PHF14: variants seen among roughly 807,000 people sequenced by gnomAD.
The protein encoded by PHF14 is PHD finger protein 14.
In PHF14, 55 loss-of-function variants were observed where a neutral mutation model predicts 117.9. That is an observed-to-expected ratio of 0.47 (90% CI 0.38 to 0.58). The LOEUF (loss-of-function observed/expected upper bound fraction) is 0.58. Ranked by LOEUF, PHF14 falls within the 20% of genes least tolerant of loss-of-function variation. PHF14 has a pLI of 0.00. For missense variants in PHF14, 978 were observed against 1,122.2 expected (o/e 0.87, Z 1.84); for synonymous variants, 409 against 368.6 (o/e 1.11, Z -1.26).
chr7:11,156,458 A>T (rs1331013315), intron 17 of PHF14, among the ~76,000 whole-genome samples: 2 of 152,178 alleles, frequency 1.3e-5, no homozygotes, highest in African/African-American at 4.8e-5. Context: ...AAATAAGGAT[A>T]TTTGAGCAAC....
intron 4 of PHF14, among the ~76,000 whole-genome samples, chr7:11,004,520 A>G (rs894149407): frequency 7.9e-5 from 12 of 151,976 alleles, no homozygotes; most frequent in Non-Finnish European, 1.6e-4. Flanking sequence ...CACTTGTGTT[A>G]TATCTCTTTA....
At position 11,104,234 on chromosome 7, in the gene PHF14, G is replaced by T; in HGVS notation, c.2655-7116G>T. 3 of 984,146 alleles carry T rather than the reference G, an allele frequency of 3.0e-6. No homozygotes were observed. The South Asian group carries it at 1.4e-4, about 46-fold the overall frequency. The allele number at this position is 984,146 out of a possible 1,614,324, so 61.0% of individuals were successfully genotyped here. A position where few individuals can be genotyped will look rare whatever the true frequency, so the allele number is the denominator to read the frequency against. ...CATTTTCCATCTTGCATTTTCAGTG[G>T]TGGTGGATATTCTATTCCACATTTG... On this transcript the variant is annotated intron_variant, in intron 16 of 17. Transcript: ENST00000634607.
intron 4 of PHF14, among the ~76,000 whole-genome samples, chr7:11,007,148 G>A (rs146515942): frequency 0.029 from 4,396 of 151,898 alleles, 217 homozygotes; most frequent in African/African-American, 0.1. Flanking sequence ...AGCCGAGATC[G>A]CGCCATTGCA....
At position 11,135,469 on chromosome 7, in the gene PHF14, T is replaced by C. The variant is rs368400972; in HGVS notation, c.2772+24002T>C. 1.0e-3 allele frequency among the ~76,000 whole-genome samples: 155 copies of C among 152,296 alleles called. 7 individuals carry two copies. The South Asian group carries it at 0.031, about 31-fold the overall frequency. On this transcript the variant is annotated intron_variant, in intron 17 of 17. Transcript: ENST00000634607. The stretch of plus-strand genomic sequence containing the variant: ...GCACATCTATTGTGTTTTTCATTTC[T>C]TTATTTGAAGACCATTTAAAATTAT...
At position 11,040,652 on chromosome 7, in the gene PHF14, A is replaced by C. The variant is rs141768445; in HGVS notation, c.2077-20A>C. 507 of 1,318,330 alleles carry C rather than the reference A, an allele frequency of 3.8e-4. 4 individuals carry two copies. In the African/African-American group the frequency reaches 6.9e-3, roughly 18 times the overall value. 81.7% of individuals were successfully genotyped at this position (1,318,330 alleles called of 1,614,324 possible). On this transcript the variant is annotated intron_variant, in intron 11 of 17. Transcript: ENST00000634607. ...TTTCTTTCTTAAAACAATATATACTACATTTGTTCAAATCAATAGAAGTTG... is the reference window on the plus strand; with the variant it reads ...TTTCTTTCTTAAAACAATATATACTCCATTTGTTCAAATCAATAGAAGTTG...
At chr7:11,099,091 AGCTG>A in intron 16 of PHF14, among the ~76,000 whole-genome samples, 1 of 152,276 alleles carries the variant, frequency 6.6e-6, no homozygotes, top group African/African-American at 2.4e-5. Flanking sequence ...AGTGTAGCCC[AGCTG>A]CCACTGAATT....
intron 17 of PHF14, among the ~76,000 whole-genome samples, chr7:11,162,517 A>G (rs865951836): frequency 6.6e-6 from 1 of 152,076 alleles, no homozygotes; most frequent in South Asian, 2.1e-4. Flanking sequence ...CTTATCATCC[A>G]TCATTCATTT....
At chr7:10,988,697 G>T (rs1640710) in intron 3 of PHF14, among the ~76,000 whole-genome samples, 52,562 of 151,786 alleles carry the variant, frequency 0.35, 10,171 homozygotes, top group Middle Eastern at 0.46. Flanking sequence ...ATCAGTTCAT[G>T]TTCCTCTTTT....
intron 17 of PHF14, among the ~76,000 whole-genome samples, chr7:11,132,761 A>G (rs1788123646): frequency 6.6e-6 from 1 of 151,738 alleles, no homozygotes; most frequent in South Asian, 2.1e-4. Context: ...CCTCACCAAC[A>G]TTTGTTATCT....
chr7:11,000,738 T>C (rs1053613148), intron 4 of PHF14, among the ~76,000 whole-genome samples: 5 of 152,188 alleles, frequency 3.3e-5, no homozygotes, highest in African/African-American at 7.2e-5. Context: ...GTTTTAAGAG[T>C]TCCTTGTATA....
At chr7:11,049,877 T>C (rs574668333) in intron 13 of PHF14, among the ~76,000 whole-genome samples, 1 of 152,300 alleles carries the variant, frequency 6.6e-6, no homozygotes, top group African/African-American at 2.4e-5. Flanking sequence ...ACCTAGGGGA[T>C]AACCTGCCAG....
rs374213180 is a variant in PHF14 at position 10,994,622 on chromosome 7, G to C, written c.1045+3775G>C. 1.8e-4 allele frequency among the ~76,000 whole-genome samples: 28 copies of C among 152,236 alleles called. No individual in the cohort carries two copies. In the East Asian group the frequency reaches 1.9e-3, roughly 11 times the overall value. On this transcript the variant is annotated intron_variant, in intron 4 of 17. Coordinates refer to ENST00000634607, the MANE Select transcript of PHF14 (RefSeq NM_001007157.2). ...TTTTATTATTGTGTCCGGAATTGGT[G>C]GGTTCTTGGTTTCACTAACTTCAAG...
chr7:10,984,315 G>A (rs1201568187), intron 3 of PHF14, among the ~76,000 whole-genome samples: 1 of 152,094 alleles, frequency 6.6e-6, no homozygotes, highest in Non-Finnish European at 1.5e-5. Context: ...TTTATATTTG[G>A]ATTATAAACA....
At chr7:11,120,105 G>A (rs1012328568) in intron 17 of PHF14, among the ~76,000 whole-genome samples, 12 of 151,848 alleles carry the variant, frequency 7.9e-5, no homozygotes, top group African/African-American at 2.4e-4. Context: ...TGGATGCGTC[G>A]TATAGTAGGA....
chr7:11,169,525 C>A lies in PHF14; in HGVS notation c.*35C>A, dbSNP rs148404002. 3.0e-3 allele frequency: 2,713 copies of A among 905,444 alleles called. 48 individuals carry two copies. Among genetic ancestry groups the A allele is most frequent in the Non-Finnish European group, 3.9e-4 (237 of 607,080 alleles). 56.1% of individuals were successfully genotyped at this position (905,444 alleles called of 1,614,324 possible). A position where few individuals can be genotyped will look rare whatever the true frequency, so the allele number is the denominator to read the frequency against. The stretch of plus-strand genomic sequence containing the variant: ...TGTAGTGTTTTTGAAAAGTTTGCAG[C>A]TTATGTAATAGCAGATAAAATTTCT... On this transcript the variant is annotated 3_prime_UTR_variant, in exon 18 of 18. Transcript: ENST00000634607.
chr7:11,023,118 G>T, intron 6 of PHF14, 139 bp downstream of exon 6: 1 of 512,338 alleles, frequency 2.0e-6, no homozygotes, highest in Non-Finnish European at 3.5e-6. Context: ...ATTTATTATT[G>T]ATAGTAGTTT....
At chr7:11,051,859 A>C in intron 14 of PHF14, 79 bp downstream of exon 14, 1 of 1,181,558 alleles carries the variant, frequency 8.5e-7, no homozygotes, top group Non-Finnish European at 1.2e-6. Flanking sequence ...ACACAGGGCA[A>C]ACATATACTC....
At chr7:11,014,871 G>A (rs1359124925) in intron 5 of PHF14, 1 of 151,540 alleles carries the variant, frequency 6.6e-6, no homozygotes, top group Admixed American at 6.6e-5. Context: ...CATCATAACG[G>A]TGTTGCCATC....
chr7:11,068,254 G>A (rs1173710451), intron 16 of PHF14, among the ~76,000 whole-genome samples: 1 of 150,108 alleles, frequency 6.7e-6, no homozygotes, highest in African/African-American at 2.5e-5. Context: ...GGGAGGCTGA[G>A]GCAGGAGAAT....
Sources: allele counts gnomAD v4.1 joint callset (sites outside exome capture counted in the v4.1 genomes callset), GRCh38; gene constraint gnomAD v4.1.1; transcripts MANE v1.5; gene names NCBI Gene and HGNC (gene_info 2026-07-23, HGNC 2026-07-21).